NDUFS4: variants seen among roughly 807,000 people sequenced by gnomAD.
The protein encoded by NDUFS4 is NADH:ubiquinone oxidoreductase subunit S4, also known as NADH dehydrogenase [ubiquinone] iron-sulfur protein 4, mitochondrial.
Under a neutral mutation model 24.3 loss-of-function variants are expected in NDUFS4, and 28 were observed. The ratio of observed to expected loss-of-function variants is 1.15; its 90% confidence interval spans 0.85 to 1.58. NDUFS4 has a LOEUF of 1.58. Ranked by LOEUF, NDUFS4 falls within the 40% of genes most tolerant of loss-of-function variation. The probability of loss-of-function intolerance (pLI) is 0.00; values close to 1 mark genes in which losing one functional copy is unlikely to be tolerated. For synonymous variants in NDUFS4, 93 were observed against 69.7 expected (o/e 1.34, Z -1.67); for missense variants, 223 against 207.9 (o/e 1.07, Z -0.45).
chr5:53,578,431 G>A (rs1749454867), intron 1 of NDUFS4, among the ~76,000 whole-genome samples: 2 of 152,048 alleles, frequency 1.3e-5, no homozygotes, highest in Non-Finnish European at 2.9e-5. Flanking sequence ...CACGATATTA[G>A]CCATGCTGTC....
chr5:53,580,961 G>A (rs1035173149), intron 1 of NDUFS4, among the ~76,000 whole-genome samples: 1 of 152,058 alleles, frequency 6.6e-6, no homozygotes, highest in South Asian at 2.1e-4. Flanking sequence ...AGCCTCCCAA[G>A]TAGCTGGGAT....
At chr5:53,592,316 C>G (rs1749996749) in intron 1 of NDUFS4, among the ~76,000 whole-genome samples, 1 of 152,098 alleles carries the variant, frequency 6.6e-6, no homozygotes, top group Non-Finnish European at 1.5e-5. Context: ...ATATAGTTTG[C>G]AGATATTTTC....
In NDUFS4 at chr5:53,585,440, A is replaced by T. The variant is rs1749717153; in HGVS notation, c.99-18012A>T. On this transcript the variant is annotated intron_variant, in intron 1 of 4. Coordinates refer to ENST00000296684, the MANE Select transcript of NDUFS4 (RefSeq NM_002495.4). ...AACAAGCAGACTATTTTCTTCATTAAGCTAACCACAATGAAAATTTTTGTG... is the reference window on the plus strand; with the variant it reads ...AACAAGCAGACTATTTTCTTCATTATGCTAACCACAATGAAAATTTTTGTG... 2.0e-5 allele frequency among the ~76,000 whole-genome samples: 3 copies of T among 152,164 alleles called. No individual in the cohort carries two copies. In the South Asian group the frequency reaches 6.2e-4, roughly 32 times the overall value.
chr5:53,589,903 G>A (rs1054586613), intron 1 of NDUFS4, among the ~76,000 whole-genome samples: 18 of 152,114 alleles, frequency 1.2e-4, no homozygotes, highest in Admixed American at 7.9e-4. Flanking sequence ...TTTGGGACTC[G>A]GGTTGGCTTT....
intron 1 of NDUFS4, among the ~76,000 whole-genome samples, chr5:53,594,894 G>T (rs1192883508): frequency 2.6e-5 from 4 of 151,802 alleles, no homozygotes; most frequent in Non-Finnish European, 4.4e-5. Context: ...GTGTGTGTGT[G>T]TGTGTATATG....
chr5:53,678,150 T>C (rs897427236), intron 4 of NDUFS4, among the ~76,000 whole-genome samples: 28 of 152,106 alleles, frequency 1.8e-4, no homozygotes, highest in African/African-American at 6.8e-4. Context: ...TCATAGGAAA[T>C]AGAATATTCC....
chr5:53,628,318 T>C (rs1316133523), intron 2 of NDUFS4, among the ~76,000 whole-genome samples: 1 of 152,222 alleles, frequency 6.6e-6, no homozygotes, highest in African/African-American at 2.4e-5. Flanking sequence ...TCGATGTTCA[T>C]CATGGGTATT....
chr5:53,673,913 T>C (rs970272253), intron 4 of NDUFS4, among the ~76,000 whole-genome samples: 7 of 152,292 alleles, frequency 4.6e-5, no homozygotes, highest in Non-Finnish European at 1.0e-4. Flanking sequence ...AACATGTTCA[T>C]TAACCAACTC....
At chr5:53,568,497 C>G (rs1203735331) in intron 1 of NDUFS4, among the ~76,000 whole-genome samples, 2 of 151,066 alleles carry the variant, frequency 1.3e-5, no homozygotes, top group African/African-American at 4.9e-5. Flanking sequence ...GCATATTTTT[C>G]TATTCTAAAT....
intron 1 of NDUFS4, among the ~76,000 whole-genome samples, chr5:53,569,746 C>T (rs1749150641): frequency 6.6e-6 from 1 of 151,432 alleles, no homozygotes; most frequent in South Asian, 2.1e-4. Context: ...CTCATTCTTC[C>T]TTCAAGTCTG....
intron 2 of NDUFS4, among the ~76,000 whole-genome samples, chr5:53,635,728 A>G (rs1048453942): frequency 6.6e-6 from 1 of 152,160 alleles, no homozygotes; most frequent in African/African-American, 2.4e-5. Flanking sequence ...TTCTTCGTTA[A>G]GCATATTTTT....
intron 2 of NDUFS4, among the ~76,000 whole-genome samples, chr5:53,619,114 A>AAATAATAAT (rs574681564): frequency 1.7e-4 from 25 of 148,986 alleles, no homozygotes; most frequent in African/African-American, 5.9e-4. Context: ...ACTGTCTCCA[A>AAATAATAAT]AATAATAATA....
chr5:53,612,563 G>T (rs950311246), intron 2 of NDUFS4, among the ~76,000 whole-genome samples: 3 of 151,906 alleles, frequency 2.0e-5, no homozygotes, highest in Non-Finnish European at 2.9e-5. Context: ...TTAAAAATCA[G>T]GTGTGCCTGT....
intron 1 of NDUFS4, among the ~76,000 whole-genome samples, chr5:53,562,349 A>C (rs1382433620): frequency 6.6e-6 from 1 of 152,176 alleles, no homozygotes; most frequent in Admixed American, 6.5e-5. Context: ...TAATGTACTC[A>C]TGGTAGCCCC....
chr5:53,638,958 C>T (rs899234597), intron 2 of NDUFS4, among the ~76,000 whole-genome samples: 2 of 151,928 alleles, frequency 1.3e-5, no homozygotes, highest in Non-Finnish European at 2.9e-5. Flanking sequence ...AGATTTTTTT[C>T]CCCCAAGATT....
At chr5:53,666,212 CT>C (rs1333132187) in intron 4 of NDUFS4, among the ~76,000 whole-genome samples, 2 of 152,138 alleles carry the variant, frequency 1.3e-5, no homozygotes, top group African/African-American at 4.8e-5. Flanking sequence ...ATGTCTGACA[CT>C]TTGAAAATTA....
intron 4 of NDUFS4, 75 bp from the exon 5 acceptor site, chr5:53,683,043 C>A: frequency 1.1e-6 from 1 of 938,038 alleles, no homozygotes. Context: ...TAAAAGCTAG[C>A]CTCTGCTTGC....
At chr5:53,599,958 T>C (rs1750258682) in intron 1 of NDUFS4, among the ~76,000 whole-genome samples, 2 of 152,060 alleles carry the variant, frequency 1.3e-5, no homozygotes, top group African/African-American at 2.4e-5. Context: ...AAATTTACTA[T>C]AGATTATACT....
intron 4 of NDUFS4, among the ~76,000 whole-genome samples, chr5:53,673,083 G>A (rs1489677764): frequency 6.6e-6 from 1 of 152,102 alleles, no homozygotes; most frequent in African/African-American, 2.4e-5. Context: ...CAGGTAAATA[G>A]AACACATCTT....
Sources: gnomAD v4.1 joint callset for allele counts (sites outside exome capture counted in the v4.1 genomes callset) on GRCh38, gnomAD v4.1.1 for gene constraint, MANE v1.5 for transcripts, NCBI Gene and HGNC (gene_info 2026-07-23, HGNC 2026-07-21) for gene names.